The following RIMS2 variants were observed in gnomAD, a reference collection of about 807,000 sequenced individuals.
RIMS2 encodes regulating synaptic membrane exocytosis protein 2.
In RIMS2, 59 loss-of-function variants were observed where a neutral mutation model predicts 174.4. That is an observed-to-expected ratio of 0.34 (90% CI 0.27 to 0.42). The LOEUF is 0.42. Among genes scored for constraint, RIMS2 ranks in the 10% least tolerant of loss-of-function variants. RIMS2 has a pLI of 1.00. For synonymous variants in RIMS2, 606 were observed against 572.5 expected (o/e 1.06, Z -0.84); for missense variants, 1,620 against 1,666.3 (o/e 0.97, Z 0.48).
At chr8:103,581,007 T>G (rs887844963) in intron 1 of RIMS2, among the ~76,000 whole-genome samples, 1 of 151,890 alleles carries the variant, frequency 6.6e-6, no homozygotes, top group African/African-American at 2.4e-5. Flanking sequence ...TTTTTTTGTA[T>G]TTTTAGTAGA....
At chr8:104,198,111 A>G (rs2099035053) in intron 19 of RIMS2, among the ~76,000 whole-genome samples, 1 of 152,200 alleles carries the variant, frequency 6.6e-6, no homozygotes, top group Non-Finnish European at 1.5e-5. Flanking sequence ...TTACGGATGC[A>G]TGCATTTTAT....
At chr8:103,836,426 G>A (rs937410849) in intron 3 of RIMS2, among the ~76,000 whole-genome samples, 7 of 152,136 alleles carry the variant, frequency 4.6e-5, no homozygotes, top group African/African-American at 1.4e-4. Flanking sequence ...GCCAGTCATG[G>A]TGTTGCACAC....
At chr8:104,097,623 AAAC>A (rs2097785383) in intron 19 of RIMS2, among the ~76,000 whole-genome samples, 1 of 152,036 alleles carries the variant, frequency 6.6e-6, no homozygotes, top group Non-Finnish European at 1.5e-5. Context: ...AAAAAAAAAA[AAAC>A]AATGACAAGC....
chr8:104,233,077 C>T (rs1463983148), intron 19 of RIMS2, among the ~76,000 whole-genome samples: 2 of 152,034 alleles, frequency 1.3e-5, no homozygotes, highest in Admixed American at 1.3e-4. Context: ...CATAAGCAGA[C>T]AAGAACGGGG....
chr8:103,599,043 A>G, intron 1 of RIMS2, among the ~76,000 whole-genome samples: 1 of 152,076 alleles, frequency 6.6e-6, no homozygotes. Flanking sequence ...TTTTGCCAAG[A>G]GCTAGGGAGA....
Position 104,208,879 on chromosome 8 carries a change from CAAAG to C in RIMS2, c.3335-36036_3335-36033del, listed in dbSNP as rs1330243068. 5.3e-5 allele frequency among the ~76,000 whole-genome samples: 8 copies of C among 152,106 alleles called. No homozygotes were observed. The East Asian group carries it at 1.5e-3, about 29-fold the overall frequency. On this transcript the variant is annotated intron_variant, in intron 19 of 23. Coordinates refer to ENST00000504942, the Ensembl canonical transcript of RIMS2. ...TGGACCCGAAATTCCATGAACTTGA[CAAAG>C]GAAGCCAAGTACACAGCATTTAAGT...
chr8:103,861,090 A>G (rs1030023332), intron 3 of RIMS2, among the ~76,000 whole-genome samples: 1 of 152,026 alleles, frequency 6.6e-6, no homozygotes, highest in South Asian at 2.1e-4. Flanking sequence ...AATAGTGACC[A>G]TCATACAGAA....
intron 19 of RIMS2, among the ~76,000 whole-genome samples, chr8:104,166,186 C>G (rs2098796819): frequency 6.6e-6 from 1 of 151,258 alleles, no homozygotes; most frequent in South Asian, 2.1e-4. Flanking sequence ...CCTGCCTCAG[C>G]CTCCCGAGTA....
At chr8:103,860,673 T>TA (rs57907696) in intron 3 of RIMS2, among the ~76,000 whole-genome samples, 3 of 149,010 alleles carry the variant, frequency 2.0e-5, no homozygotes, top group East Asian at 2.0e-4. Flanking sequence ...AACTAGAGAT[T>TA]AAAAAAAAAA....
intron 4 of RIMS2, among the ~76,000 whole-genome samples, chr8:103,906,398 A>G (rs1554962597): frequency 6.6e-6 from 1 of 151,984 alleles, no homozygotes; most frequent in Non-Finnish European, 1.5e-5. Context: ...GCTACATGCC[A>G]CCATGCCCAG....
intron 2 of RIMS2, among the ~76,000 whole-genome samples, chr8:103,724,651 T>C: frequency 6.6e-6 from 1 of 152,250 alleles, no homozygotes; most frequent in Middle Eastern, 3.2e-3. Flanking sequence ...ATTCAGAATT[T>C]ATTTTGATGT....
intron 1 of RIMS2, among the ~76,000 whole-genome samples, chr8:103,600,302 G>A (rs1392993002): frequency 6.7e-6 from 1 of 150,308 alleles, no homozygotes; most frequent in Non-Finnish European, 1.5e-5. Context: ...CAGAGTCTCA[G>A]TCTGTCACCC....
At chr8:103,931,704 C>T (rs1253440736) in intron 12 of RIMS2, among the ~76,000 whole-genome samples, 1 of 151,892 alleles carries the variant, frequency 6.6e-6, no homozygotes, top group Admixed American at 6.6e-5. Context: ...ATTATAGAAT[C>T]AAAAAGCTAA....
At chr8:104,091,604 T>C (rs182888884) in intron 19 of RIMS2, among the ~76,000 whole-genome samples, 195 of 150,170 alleles carry the variant, frequency 1.3e-3, no homozygotes, top group Middle Eastern at 0.011. Flanking sequence ...AGATATATCA[T>C]TTATTGTATT....
intron 1 of RIMS2, among the ~76,000 whole-genome samples, chr8:103,582,826 A>G (rs574004524): frequency 1.4e-4 from 22 of 152,290 alleles, no homozygotes; most frequent in African/African-American, 5.3e-4. Flanking sequence ...TGGCCCCCAG[A>G]TGGCACCTCT....
chr8:103,972,081 C>T (rs1192200773), intron 15 of RIMS2, among the ~76,000 whole-genome samples: 1 of 152,086 alleles, frequency 6.6e-6, no homozygotes, highest in African/African-American at 2.4e-5. Context: ...AAATAGTTAT[C>T]TATATGCTAA....
chr8:103,701,238 G>A (rs913856728), intron 2 of RIMS2, among the ~76,000 whole-genome samples: 1 of 151,870 alleles, frequency 6.6e-6, no homozygotes, highest in Non-Finnish European at 1.5e-5. Context: ...GCTGATTGTG[G>A]AATTCTTGGT....
intron 17 of RIMS2, among the ~76,000 whole-genome samples, chr8:103,999,119 T>G (rs1457964347): frequency 6.6e-6 from 1 of 151,766 alleles, no homozygotes; most frequent in Non-Finnish European, 1.5e-5. Flanking sequence ...TGTGCCATGG[T>G]TGGTCACCTT....
At chr8:103,910,852 T>G (rs79860387) in intron 5 of RIMS2, among the ~76,000 whole-genome samples, 5,347 of 152,304 alleles carry the variant, frequency 0.035, 139 homozygotes, top group Middle Eastern at 0.071. Context: ...AAATAATAAA[T>G]AAGTTTTGGA....
Sources: gnomAD v4.1 joint callset for allele counts (sites outside exome capture counted in the v4.1 genomes callset) on GRCh38, gnomAD v4.1.1 for gene constraint, MANE v1.5 for transcripts, NCBI Gene and HGNC (gene_info 2026-07-23, HGNC 2026-07-21) for gene names.